The following TM2D1 variants were observed in gnomAD, a reference collection of about 807,000 sequenced individuals.
TM2D1 encodes TM2 domain containing 1.
TM2D1 carries 15 observed loss-of-function variants against 28.4 expected under a neutral mutation model. The ratio of observed to expected loss-of-function variants is 0.53; its 90% CI spans 0.35 to 0.81. TM2D1 has a LOEUF of 0.81. Ranked by LOEUF, TM2D1 falls within the 40% of genes least tolerant of loss-of-function variation. The probability of loss-of-function intolerance (pLI) is 0.01; values close to 1 mark genes in which losing one functional copy is unlikely to be tolerated. For synonymous variants in TM2D1, 93 were observed against 96.2 expected (o/e 0.97, Z 0.20); for missense variants, 236 against 254.9 (o/e 0.93, Z 0.50).
At chr1:61,683,588 A>G in intron 5 of TM2D1, 42 bp from the exon 6 acceptor site, 2 of 942,922 alleles carry the variant, frequency 2.1e-6, no homozygotes, top group Non-Finnish European at 1.6e-6. Flanking sequence ...TTTACAAAAG[A>G]TATTTCACAG....
intron 1 of TM2D1, 171 bp downstream of exon 1, chr1:61,724,786 C>T: frequency 1.5e-6 from 1 of 680,018 alleles, no homozygotes; most frequent in South Asian, 4.8e-5. Flanking sequence ...GCCTCTGGCC[C>T]TCCCATCTCC....
chr1:61,711,812 G>A (rs1027616452), intron 2 of TM2D1, among the ~76,000 whole-genome samples: 2 of 152,050 alleles, frequency 1.3e-5, no homozygotes, highest in Non-Finnish European at 2.9e-5. Flanking sequence ...TAGTTATATA[G>A]TAGACAACTC....
At chr1:61,685,549 C>T (rs1169698984) in intron 5 of TM2D1, among the ~76,000 whole-genome samples, 1 of 152,182 alleles carries the variant, frequency 6.6e-6, no homozygotes, top group Non-Finnish European at 1.5e-5. Flanking sequence ...ACATTATACA[C>T]TAACAGTGAA....
At chr1:61,704,211 A>C (rs1644424896) in intron 3 of TM2D1, among the ~76,000 whole-genome samples, 1 of 152,054 alleles carries the variant, frequency 6.6e-6, no homozygotes, top group African/African-American at 2.4e-5. Flanking sequence ...TTAAGGTCTA[A>C]AACTGAATAG....
chr1:61,688,151 A>G (rs922105815), intron 5 of TM2D1, among the ~76,000 whole-genome samples: 2 of 152,228 alleles, frequency 1.3e-5, no homozygotes, highest in African/African-American at 4.8e-5. Flanking sequence ...AGGAATGAAT[A>G]AGAGTCACCA....
rs1644396944 is a variant in TM2D1 at position 61,701,018 on chromosome 1, A to T, written c.355T>A (p.Tyr119Asn). ...AATGCGACTGCCACTTTGTAGGAATAGCCATTTCTGCAAAAAATTAAAATC... is the reference window on the plus strand; with the variant it reads ...AATGCGACTGCCACTTTGTAGGAATTGCCATTTCTGCAAAAAATTAAAATC... ...KPISCRNVNG[Y>N]SYKVAVALSL... The change falls in exon 4 of 7, where the codon TAT becomes AAT. Residue 119 changes from tyrosine (Y) to asparagine (N), a missense_variant. Physicochemically the swap from Tyr to Asn is moderately radical, Grantham distance 143 (BLOSUM62 -2). Around this residue, in one of 3 missense-constraint regions of TM2D1, gnomAD observed 167 missense variants for 162.7 expected, o/e 1.03. Coordinates refer to ENST00000606498, the MANE Select transcript of TM2D1 (RefSeq NM_032027.3). 1.2e-6 allele frequency: 2 copies of T among 1,608,520 alleles called. No homozygotes were observed. The highest frequency in any genetic ancestry group is 1.7e-6 in the Non-Finnish European group (2 of 1,178,038).
chr1:61,719,401 T>C (rs570860876), intron 2 of TM2D1, among the ~76,000 whole-genome samples: 2 of 138,130 alleles, frequency 1.4e-5, no homozygotes, highest in Non-Finnish European at 3.0e-5. Flanking sequence ...CAGAAAAAAG[T>C]ATATACACAG....
At chr1:61,710,475 T>TACACACAC (rs34366819) in intron 2 of TM2D1, among the ~76,000 whole-genome samples, 5 of 119,562 alleles carry the variant, frequency 4.2e-5, no homozygotes, top group African/African-American at 1.3e-4. Context: ...TATATATATA[T>TACACACAC]ACACACACAC....
chr1:61,707,847 T>C (rs1287769987), intron 3 of TM2D1, among the ~76,000 whole-genome samples: 2 of 152,060 alleles, frequency 1.3e-5, no homozygotes, highest in Non-Finnish European at 2.9e-5. Context: ...CTTTTTAAGG[T>C]TCAATGCATC....
At chr1:61,712,986 A>G (rs1364059928) in intron 2 of TM2D1, among the ~76,000 whole-genome samples, 1 of 151,298 alleles carries the variant, frequency 6.6e-6, no homozygotes, top group Non-Finnish European at 1.5e-5. Context: ...CCTGACCAAC[A>G]TGGTGAAACC....
intron 5 of TM2D1, among the ~76,000 whole-genome samples, chr1:61,689,583 C>T (rs892391660): frequency 7.9e-5 from 12 of 152,052 alleles, no homozygotes; most frequent in Non-Finnish European, 1.5e-4. Context: ...GTGTTGCCCA[C>T]GCTGGTCTCA....
chr1:61,691,741 C>A (rs1473421252), intron 5 of TM2D1, among the ~76,000 whole-genome samples: 24 of 149,570 alleles, frequency 1.6e-4, no homozygotes, highest in Non-Finnish European at 3.3e-4. Flanking sequence ...CATGGAGAAA[C>A]CCCGTCTCTA....
chr1:61,694,781 A>C lies in TM2D1; in HGVS notation c.440-11T>G, dbSNP rs1191767455. ...AAAACTTTAACAAACCTAGAAAAGA[A>C]GGTAAAGTCATTTATAATCTGGAAG... On this transcript the variant is annotated splice_polypyrimidine_tract_variant and intron_variant, in intron 4 of 6. Coordinates refer to ENST00000606498, the MANE Select transcript of TM2D1 (RefSeq NM_032027.3). The C allele has an allele frequency of 1.9e-6, 3 of 1,574,436 alleles. No homozygotes were observed. The highest frequency in any genetic ancestry group is 2.6e-6 in the Non-Finnish European group (3 of 1,161,164).
chr1:61,714,187 G>A (rs1162733894), intron 2 of TM2D1, among the ~76,000 whole-genome samples: 22 of 147,776 alleles, frequency 1.5e-4, no homozygotes, highest in Non-Finnish European at 2.1e-4. Context: ...GAGCCACCGC[G>A]CCCGGCCAAA....
rs569926371 is a variant in TM2D1 at position 61,705,347 on chromosome 1, A to G, written c.347+3982T>C. ...ATTACAGGCACGCACCACCATGCCCAGCTAATTTTTATATTTTTAGTAGAA... is the reference window on the plus strand; with the variant it reads ...ATTACAGGCACGCACCACCATGCCCGGCTAATTTTTATATTTTTAGTAGAA... On this transcript the variant is annotated intron_variant, in intron 3 of 6. Coordinates refer to ENST00000606498, the MANE Select transcript of TM2D1 (RefSeq NM_032027.3). Among the ~76,000 whole-genome samples the G allele has an allele frequency of 9.9e-5, 15 of 151,988 alleles. No homozygotes were observed. In the East Asian group the frequency reaches 2.9e-3, roughly 29 times the overall value.
At chr1:61,714,565 T>C (rs1644503159) in intron 2 of TM2D1, among the ~76,000 whole-genome samples, 1 of 152,118 alleles carries the variant, frequency 6.6e-6, no homozygotes, top group African/African-American at 2.4e-5. Context: ...GCCCTTTCTT[T>C]CGCTTTATTT....
intron 2 of TM2D1, among the ~76,000 whole-genome samples, chr1:61,712,084 C>T (rs771026806): frequency 1.1e-4 from 17 of 151,974 alleles, no homozygotes; most frequent in Non-Finnish European, 2.5e-4. Flanking sequence ...TTTTACTCCC[C>T]AGAGGACATT....
At chr1:61,724,149 G>C (rs1329031069) in intron 1 of TM2D1, 1 of 154,536 alleles carries the variant, frequency 6.5e-6, no homozygotes, top group Non-Finnish European at 1.4e-5. Flanking sequence ...AGGTTGCAAA[G>C]TGCAACAGAA....
At position 61,714,683 on chromosome 1, in the gene TM2D1, T is replaced by G. The variant is rs138107736; in HGVS notation, c.239-5246A>C. Among the ~76,000 whole-genome samples, 1,437 of 152,290 alleles carry G rather than the reference T, an allele frequency of 9.4e-3. 12 individuals are homozygous for G. Among genetic ancestry groups the G allele is most frequent in the Middle Eastern group, 0.014 (4 of 294 alleles). ...GACCCTCCCGCCTCAGTCTCCCAAG[T>G]AGGTGGTACTATAGGTGTGTGCCAC... On this transcript the variant is annotated intron_variant, in intron 2 of 6. Transcript: ENST00000606498.
Sources: allele counts gnomAD v4.1 joint callset (sites outside exome capture counted in the v4.1 genomes callset), GRCh38; gene constraint gnomAD v4.1.1; regional missense constraint gnomAD v4.1.1; transcripts MANE v1.5; gene names NCBI Gene and HGNC (gene_info 2026-07-23, HGNC 2026-07-21).